ARL5B: variants seen among roughly 807,000 people sequenced by gnomAD.
ARL5B encodes the protein ADP-ribosylation factor-like protein 5B.
A neutral mutation model predicts 26.9 loss-of-function variants in ARL5B; 10 were observed. The ratio of observed to expected loss-of-function variants is 0.37; its 90% CI spans 0.23 to 0.63. ARL5B has a LOEUF of 0.63. Among genes scored for constraint, ARL5B ranks in the 30% least tolerant of loss-of-function variants. The pLI is 0.62. For missense variants in ARL5B, 167 were observed against 213.9 expected, an observed-to-expected ratio of 0.78 and a Z score of 1.37; for synonymous variants, 87 against 70.4, an observed-to-expected ratio of 1.24 and a Z score of -1.18.
chr10:18,670,125 TG>T (rs1377731603), intron 3 of ARL5B, among the ~76,000 whole-genome samples: 1 of 152,132 alleles, frequency 6.6e-6, no homozygotes, highest in African/African-American at 2.4e-5. Flanking sequence ...TATAATAGCA[TG>T]TGTGTATGTG....
chr10:18,664,429 C>CTTT lies in ARL5B; in HGVS notation c.47-2122_47-2120dup, dbSNP rs140830487. Among the ~76,000 whole-genome samples the CTTT allele has an allele frequency of 1.7e-3, 112 of 67,220 alleles. 20 individuals carry two copies. The highest frequency in any genetic ancestry group is 2.8e-3 in the East Asian group (5 of 1,762). The allele number at this position is 67,220 out of a possible 152,430, so 44.1% of individuals were successfully genotyped here. The stretch of plus-strand genomic sequence containing the variant: ...CTGTAACTGATAGTAACAGTAGTGT[C>CTTT]TTTTTTTTTTTTTTTTTTTTTTTTT... On this transcript the variant is annotated intron_variant, in intron 1 of 5. Transcript: ENST00000377275.
At chr10:18,669,258 CAAGATTTTCAT>C (rs1462237876) in intron 3 of ARL5B, among the ~76,000 whole-genome samples, 1 of 152,148 alleles carries the variant, frequency 6.6e-6, no homozygotes, top group African/African-American at 2.4e-5. Flanking sequence ...TTCATCTTCA[CAAGATTTTCAT>C]GTCTCCAGGG....
At position 18,675,235 on chromosome 10, in the gene ARL5B, A is replaced by T. The variant is rs767357213; in HGVS notation, c.*19A>T. On this transcript the variant is annotated 3_prime_UTR_variant, in exon 6 of 6. Transcript: ENST00000377275. ...GAGATAACTTTTTTGCTTGAAAGAG[A>T]CTGCTCTATTTATTCTGTGACATGA... 2.5e-6 allele frequency: 4 copies of T among 1,610,244 alleles called. No homozygotes were observed. The South Asian group carries it at 4.4e-5, about 18-fold the overall frequency.
At position 18,680,318 on chromosome 10, in the gene ARL5B, G is replaced by A. The variant is rs1459378655; in HGVS notation, c.*5102G>A. 1.3e-5 allele frequency: 2 copies of A among 151,842 alleles called. No homozygotes were observed. Among genetic ancestry groups the A allele is most frequent in the Non-Finnish European group, 2.9e-5 (2 of 67,892 alleles). 9.4% of individuals were successfully genotyped at this position (151,842 alleles called of 1,614,324 possible). ...TTGTTTTACTCTTGTTTACCAGCTG[G>A]GCCAACATGGTAGATATATGAGATT... On this transcript the variant is annotated 3_prime_UTR_variant, in exon 6 of 6. Coordinates refer to ENST00000377275, the MANE Select transcript of ARL5B (RefSeq NM_178815.5).
rs149404464 is a variant in ARL5B at position 18,672,095 on chromosome 10, C to T, written c.256-527C>T. Among the ~76,000 whole-genome samples the T allele has an allele frequency of 6.3e-3, 959 of 152,214 alleles. 26 individuals carry two copies. Among genetic ancestry groups the T allele is most frequent in the Admixed American group, 0.051 (776 of 15,278 alleles). On this transcript the variant is annotated intron_variant, in intron 3 of 5. Transcript: ENST00000377275. ...ATATAATGCCTAAGTATATATGTTTCAATCTGGAGCATTTATGGTGGATAC... is the reference window on the plus strand; with the variant it reads ...ATATAATGCCTAAGTATATATGTTTTAATCTGGAGCATTTATGGTGGATAC...
chr10:18,659,937 G>C (rs927752339), intron 1 of ARL5B: 1 of 985,272 alleles, frequency 1.0e-6, no homozygotes, highest in Non-Finnish European at 1.2e-6. Flanking sequence ...TTGGATATTG[G>C]CGAAGTAAAG....
chr10:18,675,494 G>A lies in ARL5B; in HGVS notation c.*278G>A. The A allele has an allele frequency of 2.7e-6, 1 of 369,996 alleles. No individual in the cohort carries two copies. Among genetic ancestry groups the A allele is most frequent in the Non-Finnish European group, 5.0e-6 (1 of 200,034 alleles). The allele number at this position is 369,996 out of a possible 1,614,324, so 22.9% of individuals were successfully genotyped here. A position where few individuals can be genotyped will look rare whatever the true frequency, so the allele number is the denominator to read the frequency against. On this transcript the variant is annotated 3_prime_UTR_variant, in exon 6 of 6. Transcript: ENST00000377275. The stretch of plus-strand genomic sequence containing the variant: ...TAATTAATCAGTGACTGCCTTGTAA[G>A]AAATGTTTGTCATATGCGTGATGTC...
chr10:18,659,518 C>A lies in ARL5B; in HGVS notation c.-120C>A. 7.7e-7 allele frequency: 1 copy of A among 1,298,632 alleles called. No individual in the cohort carries two copies. The highest frequency in any genetic ancestry group is 1.0e-6 in the Non-Finnish European group (1 of 974,672). 80.4% of individuals were successfully genotyped at this position (1,298,632 alleles called of 1,614,324 possible). ...GTCGAGGCTTCTCGGCCTAGCAGTG[C>A]CCTCGCTGCGCGATCTCAGGCGGGT... On this transcript the variant is annotated 5_prime_UTR_variant, in exon 1 of 6. Transcript: ENST00000377275.
chr10:18,669,067 C>T (rs1463272291), intron 3 of ARL5B, among the ~76,000 whole-genome samples: 1 of 152,042 alleles, frequency 6.6e-6, no homozygotes, highest in African/African-American at 2.4e-5. Context: ...CCGTGGCCGG[C>T]CTTTTAATAA....
Position 18,659,501 on chromosome 10 carries a change from T to C in ARL5B, c.-137T>C, listed in dbSNP as rs2059815928. On this transcript the variant is annotated 5_prime_UTR_variant, in exon 1 of 6. Coordinates refer to ENST00000377275, the MANE Select transcript of ARL5B (RefSeq NM_178815.5). ...GCCTTCTGAGTGGTCGGGTCGAGGC[T>C]TCTCGGCCTAGCAGTGCCCTCGCTG... 3 of 1,159,758 alleles carry C rather than the reference T, an allele frequency of 2.6e-6. No homozygotes were observed. Among genetic ancestry groups the C allele is most frequent in the Non-Finnish European group, 3.5e-6 (3 of 858,662 alleles). The allele number at this position is 1,159,758 out of a possible 1,614,324, so 71.8% of individuals were successfully genotyped here. A position where few individuals can be genotyped will look rare whatever the true frequency, so the allele number is the denominator to read the frequency against.
intron 2 of ARL5B, 47 bp downstream of exon 2, chr10:18,666,682 A>G: frequency 6.8e-7 from 1 of 1,463,542 alleles, no homozygotes; most frequent in Non-Finnish European, 9.4e-7. Context: ...TATTGAAACT[A>G]ATGTGTTTAC....
At chr10:18,665,048 T>C (rs1408073315) in intron 1 of ARL5B, among the ~76,000 whole-genome samples, 1 of 152,190 alleles carries the variant, frequency 6.6e-6, no homozygotes. Context: ...TGTAGATGCT[T>C]GGTAGGTGGA....
Position 18,664,025 on chromosome 10 carries a change from C to T in ARL5B, c.47-2550C>T, listed in dbSNP as rs1202757999. On this transcript the variant is annotated intron_variant, in intron 1 of 5. Transcript: ENST00000377275. ...CTGGAGTGCAGTGGTGCAATCTCAG[C>T]TCACTGCCACCTCTGCCTCCCAGGT... Among the ~76,000 whole-genome samples the T allele has an allele frequency of 2.6e-5, 4 of 152,178 alleles. No individual in the cohort carries two copies. In the South Asian group the frequency reaches 8.3e-4, roughly 32 times the overall value.
intron 2 of ARL5B, among the ~76,000 whole-genome samples, chr10:18,667,924 A>G (rs905677467): frequency 1.3e-5 from 2 of 152,154 alleles, no homozygotes; most frequent in African/African-American, 4.8e-5. Flanking sequence ...CATGTTGGTC[A>G]GGATGGTCTC....
At chr10:18,660,700 TTATAAA>T (rs1424533468) in intron 1 of ARL5B, among the ~76,000 whole-genome samples, 1 of 152,174 alleles carries the variant, frequency 6.6e-6, no homozygotes, top group Non-Finnish European at 1.5e-5. Flanking sequence ...TTTTTCAAGG[TTATAAA>T]TATAGATACA....
Position 18,679,601 on chromosome 10 carries a change from A to G in ARL5B, c.*4385A>G, listed in dbSNP as rs935895236. The G allele has an allele frequency of 1.3e-5, 2 of 151,914 alleles. No homozygotes were observed. The highest frequency in any genetic ancestry group is 2.4e-5 in the African/African-American group (1 of 41,420). 9.4% of individuals were successfully genotyped at this position (151,914 alleles called of 1,614,324 possible). A position where few individuals can be genotyped will look rare whatever the true frequency, so the allele number is the denominator to read the frequency against. ...GACCAAAATAAATAGAGGAAGACCA[A>G]TATAAAAAAATATGTTCAACTATTC... On this transcript the variant is annotated 3_prime_UTR_variant, in exon 6 of 6. Transcript: ENST00000377275.
intron 3 of ARL5B, among the ~76,000 whole-genome samples, chr10:18,670,365 C>G (rs367768075): frequency 6.6e-6 from 1 of 152,206 alleles, no homozygotes; most frequent in African/African-American, 2.4e-5. Flanking sequence ...AATCCCAGCA[C>G]TTTGGTAGGC....
intron 3 of ARL5B, among the ~76,000 whole-genome samples, chr10:18,670,862 G>A (rs11015514): frequency 0.049 from 7,398 of 152,220 alleles, 279 homozygotes; most frequent in Non-Finnish European, 0.077. Flanking sequence ...CATTACTGAT[G>A]CCATTTGCAT....
At chr10:18,669,053 G>A (rs1590226887) in intron 3 of ARL5B, among the ~76,000 whole-genome samples, 1 of 152,290 alleles carries the variant, frequency 6.6e-6, no homozygotes, top group Middle Eastern at 3.4e-3. Flanking sequence ...ACAGGCTTGA[G>A]CCACCGTGGC....
Sources: gnomAD v4.1 joint callset for allele counts (sites outside exome capture counted in the v4.1 genomes callset) on GRCh38, gnomAD v4.1.1 for gene constraint, MANE v1.5 for transcripts, NCBI Gene and HGNC (gene_info 2026-07-23, HGNC 2026-07-21) for gene names.